L3MBTL4: variants seen among roughly 807,000 people sequenced by gnomAD.
The protein encoded by L3MBTL4 is L3MBTL histone methyl-lysine binding protein 4.
Under a neutral mutation model 84.5 loss-of-function variants are expected in L3MBTL4, and 70 were observed. The observed-to-expected ratio is 0.83, with a 90% CI of 0.68 to 1.01. The LOEUF is 1.01. Among genes scored for constraint, L3MBTL4 ranks in the 50% least tolerant of loss-of-function variants. The pLI, the probability that L3MBTL4 is intolerant of heterozygous loss-of-function variation, is 0.00. For missense variants in L3MBTL4, 715 were observed against 754.8 expected (o/e 0.95, Z 0.62); for synonymous variants, 274 against 259.8 (o/e 1.05, Z -0.52).
intron 9 of L3MBTL4, among the ~76,000 whole-genome samples, chr18:6,238,464 C>T (rs1191351995): frequency 2.0e-5 from 3 of 151,942 alleles, no homozygotes; most frequent in African/African-American, 4.8e-5. Flanking sequence ...ACCCGGGAGG[C>T]GGAGCTCACA....
At chr18:6,277,358 G>C (rs1463069429) in intron 4 of L3MBTL4, among the ~76,000 whole-genome samples, 3 of 152,046 alleles carry the variant, frequency 2.0e-5, no homozygotes, top group Admixed American at 1.3e-4. Flanking sequence ...ACGGAAAAAG[G>C]CCACTTGGGC....
chr18:6,272,036 G>GA (rs2048894135), intron 4 of L3MBTL4, among the ~76,000 whole-genome samples: 1 of 152,188 alleles, frequency 6.6e-6, no homozygotes, highest in African/African-American at 2.4e-5. Flanking sequence ...TCTTGACGGG[G>GA]AAAAAGAGAA....
At chr18:6,078,019 C>T (rs911104172) in intron 16 of L3MBTL4, among the ~76,000 whole-genome samples, 3 of 146,564 alleles carry the variant, frequency 2.0e-5, no homozygotes, top group African/African-American at 7.6e-5. Context: ...CAGAGCAAGA[C>T]TTCGTCTCAA....
rs140160311 is a variant in L3MBTL4, at chr18:6,042,637, C to T, written c.1444+38244G>A. 8.5e-5 allele frequency among the ~76,000 whole-genome samples: 13 copies of T among 152,308 alleles called. No individual in the cohort carries two copies. The East Asian group carries it at 1.5e-3, about 18-fold the overall frequency. On this transcript the variant is annotated intron_variant, in intron 16 of 18. Transcript: ENST00000317931. ...TCTTTTTCCTCTAGCTTTTTCTCTC[C>T]GTACTTGGGAAACAGTGGCCTTTGC... is the stretch of plus-strand genomic sequence containing the variant.
intron 16 of L3MBTL4, among the ~76,000 whole-genome samples, chr18:6,014,201 A>G (rs2145419605): frequency 6.6e-6 from 1 of 152,324 alleles, no homozygotes; most frequent in Admixed American, 6.5e-5. Flanking sequence ...ATGGTTACAC[A>G]AACATAATGC....
intron 1 of L3MBTL4, among the ~76,000 whole-genome samples, chr18:6,363,379 A>G (rs1216157691): frequency 3.3e-5 from 5 of 152,114 alleles, no homozygotes; most frequent in Non-Finnish European, 5.9e-5. Context: ...TGTCTTTTCA[A>G]CCACTTCCCA....
intron 1 of L3MBTL4, among the ~76,000 whole-genome samples, chr18:6,376,642 A>G (rs752766725): frequency 2.0e-5 from 3 of 152,152 alleles, no homozygotes; most frequent in East Asian, 1.9e-4. Flanking sequence ...GGAGGCTGAG[A>G]TGGGAGGATC....
intron 16 of L3MBTL4, among the ~76,000 whole-genome samples, chr18:6,003,835 T>G (rs760416963): frequency 1.2e-4 from 19 of 152,072 alleles, no homozygotes; most frequent in Non-Finnish European, 2.6e-4. Context: ...GAGACAAATT[T>G]ACATAAAAAC....
At chr18:6,301,982 G>T in intron 3 of L3MBTL4, 25 bp from the exon 4 acceptor site, 2 of 1,577,958 alleles carry the variant, frequency 1.3e-6, no homozygotes, top group Non-Finnish European at 1.7e-6. Context: ...ATGGTGTTTA[G>T]ATGGTATTGC....
intron 13 of L3MBTL4, among the ~76,000 whole-genome samples, chr18:6,141,102 T>C (rs1307899082): frequency 6.7e-6 from 1 of 149,664 alleles, no homozygotes; most frequent in African/African-American, 2.4e-5. Flanking sequence ...AGTAAGTGCT[T>C]GCGGAATAAG....
At chr18:6,186,002 A>ATTTTATTTTATTT (rs542901226) in intron 12 of L3MBTL4, among the ~76,000 whole-genome samples, 5 of 134,180 alleles carry the variant, frequency 3.7e-5, no homozygotes, top group African/African-American at 1.9e-4. Context: ...TTATTATTTT[A>ATTTTATTTTATTT]TATTTTATTT....
intron 4 of L3MBTL4, among the ~76,000 whole-genome samples, chr18:6,291,952 T>C (rs1302050266): frequency 1.3e-5 from 2 of 152,040 alleles, no homozygotes; most frequent in African/African-American, 4.8e-5. Context: ...ACTATCCATC[T>C]GACAAATATG....
At chr18:6,096,400 A>C (rs2058645541) in intron 14 of L3MBTL4, among the ~76,000 whole-genome samples, 1 of 152,194 alleles carries the variant, frequency 6.6e-6, no homozygotes, top group Non-Finnish European at 1.5e-5. Context: ...ACAATTCCTG[A>C]TTCTATGAGG....
At chr18:6,035,630 A>G (rs1462342888) in intron 16 of L3MBTL4, among the ~76,000 whole-genome samples, 3 of 151,644 alleles carry the variant, frequency 2.0e-5, no homozygotes, top group East Asian at 1.9e-4. Flanking sequence ...TTGGTGATGC[A>G]GGCTCTTTTT....
At chr18:6,394,566 G>A (rs8098763) in intron 1 of L3MBTL4, among the ~76,000 whole-genome samples, 22,736 of 152,054 alleles carry the variant, frequency 0.15, 1,746 homozygotes, top group Non-Finnish European at 0.15. Flanking sequence ...CAGGACACAA[G>A]CTTCACAAAG....
At chr18:6,326,017 G>C (rs1695352931) in intron 1 of L3MBTL4, among the ~76,000 whole-genome samples, 1 of 152,166 alleles carries the variant, frequency 6.6e-6, no homozygotes, top group Non-Finnish European at 1.5e-5. Context: ...ACAGGCAGAA[G>C]ATAGGGTGCA....
chr18:6,371,752 A>G (rs898007942), intron 1 of L3MBTL4, among the ~76,000 whole-genome samples: 1 of 152,248 alleles, frequency 6.6e-6, no homozygotes, highest in Non-Finnish European at 1.5e-5. Context: ...ATGCCAACCT[A>G]TAATAAAGCA....
At chr18:6,329,895 A>G (rs572208987) in intron 1 of L3MBTL4, among the ~76,000 whole-genome samples, 1 of 152,352 alleles carries the variant, frequency 6.6e-6, no homozygotes, top group South Asian at 2.1e-4. Context: ...TGGAGGGGAC[A>G]AACATTCAAA....
At chr18:6,192,004 C>T (rs1440593412) in intron 12 of L3MBTL4, among the ~76,000 whole-genome samples, 2 of 144,764 alleles carry the variant, frequency 1.4e-5, no homozygotes, top group South Asian at 2.2e-4. Flanking sequence ...CCTCCCCCCC[C>T]TCAAAAAAAA....
Sources: gnomAD v4.1 joint callset for allele counts (sites outside exome capture counted in the v4.1 genomes callset) on GRCh38, gnomAD v4.1.1 for gene constraint, MANE v1.5 for transcripts, NCBI Gene and HGNC (gene_info 2026-07-23, HGNC 2026-07-21) for gene names.